The following PRKG1 variants were observed in gnomAD, a reference collection of about 807,000 sequenced individuals.
PRKG1 encodes cGMP-dependent protein kinase 1.
Under a neutral mutation model 88.1 loss-of-function variants are expected in PRKG1, and 35 were observed. The ratio of observed to expected loss-of-function variants is 0.40; its 90% CI spans 0.30 to 0.53. The LOEUF is 0.53. PRKG1 is among the 20% of genes least tolerant of loss of function. The pLI is 0.59. For synonymous variants in PRKG1, 303 were observed against 292.5 expected (o/e 1.04, Z -0.37); for missense variants, 540 against 839.8 (o/e 0.64, Z 4.41).
At chr10:51,107,674 T>C (rs939615695) in intron 1 of PRKG1, among the ~76,000 whole-genome samples, 2 of 151,204 alleles carry the variant, frequency 1.3e-5, no homozygotes, top group Admixed American at 6.6e-5. Context: ...AAACTGAAAA[T>C]ATAGCTGGGC....
At chr10:51,921,035 G>T (rs959668030) in intron 5 of PRKG1, among the ~76,000 whole-genome samples, 1 of 151,840 alleles carries the variant, frequency 6.6e-6, no homozygotes, top group Non-Finnish European at 1.5e-5. Context: ...TTTGGGTTTT[G>T]CCCCCCAGAA....
At chr10:51,296,586 A>C (rs556710655) in intron 2 of PRKG1, among the ~76,000 whole-genome samples, 1 of 151,984 alleles carries the variant, frequency 6.6e-6, no homozygotes, top group Admixed American at 6.6e-5. Context: ...TTATTAGCCT[A>C]GCTGAGTTTG....
intron 1 of PRKG1, among the ~76,000 whole-genome samples, chr10:51,033,030 G>C (rs1021191198): frequency 2.0e-5 from 3 of 151,964 alleles, no homozygotes; most frequent in African/African-American, 7.3e-5. Context: ...TAACTACTCT[G>C]CTTTTTTTCT....
intron 9 of PRKG1, among the ~76,000 whole-genome samples, chr10:52,180,313 G>A (rs1205121912): frequency 2.0e-5 from 3 of 152,160 alleles, no homozygotes; most frequent in African/African-American, 7.2e-5. Context: ...ATCATGAATT[G>A]TTTCCCGGAT....
chr10:51,675,982 T>C (rs1357379843), intron 3 of PRKG1, among the ~76,000 whole-genome samples: 1 of 152,090 alleles, frequency 6.6e-6, no homozygotes, highest in African/African-American at 2.4e-5. Flanking sequence ...TGGGACCAGA[T>C]TGTCATCAAG....
rs562133322 is a variant in PRKG1, at chr10:51,954,202, A to G, written c.762+46632A>G. Among the ~76,000 whole-genome samples the G allele has an allele frequency of 8.5e-5, 13 of 152,298 alleles. No individual in the cohort carries two copies. In the South Asian group the frequency reaches 2.3e-3, roughly 27 times the overall value. ...ATTTTTAGAAAATGTTTTTGAAATG[A>G]CAATTATGTAATAATCCATTGAAAA... On this transcript the variant is annotated intron_variant, in intron 5 of 17. Coordinates refer to ENST00000373980, the MANE Select transcript of PRKG1 (RefSeq NM_006258.4).
intron 4 of PRKG1, among the ~76,000 whole-genome samples, chr10:51,814,111 CT>C (rs1839525862): frequency 6.6e-6 from 1 of 152,136 alleles, no homozygotes; most frequent in Non-Finnish European, 1.5e-5. Context: ...AACCTCCTGC[CT>C]TTGAGTTCCT....
intron 1 of PRKG1, among the ~76,000 whole-genome samples, chr10:51,004,711 G>C (rs1842923554): frequency 6.6e-6 from 1 of 151,762 alleles, no homozygotes; most frequent in Non-Finnish European, 1.5e-5. Flanking sequence ...CACTTGGTTT[G>C]ATGTTTGTGG....
chr10:51,670,741 AAAATAAATAAAT>A (rs554289419), intron 3 of PRKG1, among the ~76,000 whole-genome samples: 1,848 of 94,576 alleles, frequency 0.02, 52 homozygotes, highest in African/African-American at 0.052. Flanking sequence ...GTCTCAAAAA[AAAATAAATAAAT>A]AAATAAATAA....
intron 1 of PRKG1, among the ~76,000 whole-genome samples, chr10:51,102,028 T>C (rs1420719188): frequency 1.3e-5 from 2 of 152,164 alleles, no homozygotes; most frequent in Non-Finnish European, 2.9e-5. Flanking sequence ...TATTTGCCAA[T>C]TTCTGTGGAG....
chr10:51,875,717 C>T (rs1841280918), intron 4 of PRKG1, among the ~76,000 whole-genome samples: 1 of 152,092 alleles, frequency 6.6e-6, no homozygotes, highest in Admixed American at 6.5e-5. Flanking sequence ...TGAAGTAATA[C>T]TTAAAGCAAA....
chr10:51,623,805 T>G (rs1158363687), intron 3 of PRKG1, among the ~76,000 whole-genome samples: 2 of 152,156 alleles, frequency 1.3e-5, no homozygotes. Flanking sequence ...TCTGTGGACT[T>G]GACCCTTATC....
At chr10:51,119,067 G>T (rs534665625) in intron 1 of PRKG1, among the ~76,000 whole-genome samples, 1 of 152,136 alleles carries the variant, frequency 6.6e-6, no homozygotes, top group Admixed American at 6.6e-5. Context: ...TTCATTTCTT[G>T]CACTACCTCC....
chr10:51,433,274 A>G (rs1460614410), intron 2 of PRKG1, among the ~76,000 whole-genome samples: 1 of 152,130 alleles, frequency 6.6e-6, no homozygotes, highest in East Asian at 1.9e-4. Context: ...GGTTAAACTT[A>G]TTAAGAGGGT....
At chr10:51,623,719 G>A (rs1204396499) in intron 3 of PRKG1, among the ~76,000 whole-genome samples, 2 of 152,084 alleles carry the variant, frequency 1.3e-5, no homozygotes. Context: ...CATTTCACTG[G>A]GAGTTGGTCT....
At position 52,133,023 on chromosome 10, in the gene PRKG1, T is replaced by A. The variant is rs116028533; in HGVS notation, c.936-817T>A. Among the ~76,000 whole-genome samples the A allele has an allele frequency of 3.0e-3, 403 of 133,326 alleles. 6 individuals carry two copies. The highest frequency in any genetic ancestry group is 0.011 in the African/African-American group (378 of 33,716). The allele number at this position is 133,326 out of a possible 152,430, so 87.5% of individuals were successfully genotyped here. ...ATTGACTATCGTCATCATATTGTAC[T>A]ATCAAATAGTTAAGTCTTAGTCATT... On this transcript the variant is annotated intron_variant, in intron 7 of 17. Transcript: ENST00000373980.
intron 3 of PRKG1, among the ~76,000 whole-genome samples, chr10:51,599,614 G>T (rs1838545227): frequency 6.6e-6 from 1 of 152,112 alleles, no homozygotes; most frequent in Non-Finnish European, 1.5e-5. Flanking sequence ...GATTCTCTGA[G>T]AAAATGTTTT....
chr10:51,629,327 C>G (rs532832661), intron 3 of PRKG1, among the ~76,000 whole-genome samples: 75 of 152,048 alleles, frequency 4.9e-4, no homozygotes, highest in Non-Finnish European at 8.4e-4. Context: ...GATTCAAGGG[C>G]ATTACATTTA....
chr10:51,943,451 C>T (rs1842954462), intron 5 of PRKG1, among the ~76,000 whole-genome samples: 1 of 152,006 alleles, frequency 6.6e-6, no homozygotes, highest in Admixed American at 6.6e-5. Flanking sequence ...TTATTTCCTT[C>T]TCCTGCCTAA....
Sources: gnomAD v4.1 joint callset for allele counts (sites outside exome capture counted in the v4.1 genomes callset) on GRCh38, gnomAD v4.1.1 for gene constraint, MANE v1.5 for transcripts, NCBI Gene and HGNC (gene_info 2026-07-23, HGNC 2026-07-21) for gene names.